The following COL19A1 variants were observed in gnomAD, a reference collection of about 807,000 sequenced individuals.
The protein encoded by COL19A1 is collagen alpha-1(XIX) chain.
In COL19A1, 159 loss-of-function variants were observed where a neutral mutation model predicts 190.2. The ratio of observed to expected loss-of-function variants is 0.84; its 90% confidence interval spans 0.73 to 0.95. The LOEUF is 0.95. Among genes scored for constraint, COL19A1 ranks in the 40% least tolerant of loss-of-function variants. The pLI is 0.00. For missense variants in COL19A1, 1,418 were observed against 1,431.9 expected (o/e 0.99, Z 0.16); for synonymous variants, 509 against 458.9 (o/e 1.11, Z -1.39).
At chr6:70,043,059 G>C (rs1779710686) in intron 14 of COL19A1, among the ~76,000 whole-genome samples, 1 of 152,110 alleles carries the variant, frequency 6.6e-6, no homozygotes, top group Non-Finnish European at 1.5e-5. Flanking sequence ...TTAATGTTGA[G>C]ATTTTGACCT....
chr6:70,189,724 C>A lies in COL19A1; in HGVS notation c.3028-591C>A, dbSNP rs1490498033. 3.3e-5 allele frequency among the ~76,000 whole-genome samples: 5 copies of A among 152,260 alleles called. No homozygotes were observed. The East Asian group carries it at 7.7e-4, about 24-fold the overall frequency. On this transcript the variant is annotated intron_variant, in intron 47 of 50. Coordinates refer to ENST00000620364, the MANE Select transcript of COL19A1 (RefSeq NM_001858.6). ...ATTTGCCTGCTTCCTTTTACCAGAT[C>A]CCAATTAAGAAAAGAAAATTACTTA... is the stretch of plus-strand genomic sequence containing the variant.
At chr6:70,062,698 G>C (rs1300961766) in intron 14 of COL19A1, among the ~76,000 whole-genome samples, 2 of 152,078 alleles carry the variant, frequency 1.3e-5, no homozygotes, top group Admixed American at 6.6e-5. Context: ...ATTGGATAAA[G>C]AGTCAAGACC....
At chr6:69,981,815 A>C (rs1776048473) in intron 11 of COL19A1, among the ~76,000 whole-genome samples, 1 of 152,138 alleles carries the variant, frequency 6.6e-6, no homozygotes, top group Admixed American at 6.5e-5. Flanking sequence ...GCCCATGCCA[A>C]GTCTTGCAAA....
chr6:69,975,723 A>G (rs529936303), intron 11 of COL19A1, among the ~76,000 whole-genome samples: 3 of 152,294 alleles, frequency 2.0e-5, no homozygotes, highest in Admixed American at 6.5e-5. Context: ...AATTTTGTAG[A>G]TATGAATTCT....
At chr6:70,180,910 T>C (rs956806789) in intron 44 of COL19A1, among the ~76,000 whole-genome samples, 1 of 152,246 alleles carries the variant, frequency 6.6e-6, no homozygotes, top group Admixed American at 6.5e-5. Flanking sequence ...AGTTATTTTC[T>C]CAAATTTCCT....
chr6:70,185,431 A>T (rs546770877), intron 46 of COL19A1, among the ~76,000 whole-genome samples: 1 of 152,222 alleles, frequency 6.6e-6, no homozygotes, highest in Non-Finnish European at 1.5e-5. Context: ...AATCACTGCA[A>T]TTGAGAACTA....
intron 34 of COL19A1, 47 bp from the exon 35 acceptor site, chr6:70,161,852 TC>T: frequency 6.6e-7 from 1 of 1,506,524 alleles, no homozygotes; most frequent in Non-Finnish European, 9.0e-7. Flanking sequence ...TAAAATGCCT[TC>T]TTCCCAATGA....
intron 4 of COL19A1, among the ~76,000 whole-genome samples, chr6:69,915,295 T>G (rs1208603986): frequency 1.3e-5 from 2 of 152,230 alleles, no homozygotes; most frequent in African/African-American, 4.8e-5. Context: ...TACTGTCTGC[T>G]TCTATCTCCC....
chr6:70,066,463 G>T (rs943054753), intron 14 of COL19A1, among the ~76,000 whole-genome samples: 1 of 151,976 alleles, frequency 6.6e-6, no homozygotes, highest in Non-Finnish European at 1.5e-5. Flanking sequence ...TGGGGGGAGT[G>T]GGGAGGGATA....
intron 17 of COL19A1, among the ~76,000 whole-genome samples, chr6:70,126,558 C>T (rs1183289266): frequency 6.6e-6 from 1 of 152,194 alleles, no homozygotes; most frequent in Non-Finnish European, 1.5e-5. Context: ...ACACTTGCGG[C>T]TGGTGAAATG....
chr6:70,179,018 C>G (rs1305714055), intron 42 of COL19A1, among the ~76,000 whole-genome samples: 3 of 152,012 alleles, frequency 2.0e-5, no homozygotes, highest in Non-Finnish European at 1.5e-5. Context: ...TCTCAAGGCC[C>G]GAGCCCTCTA....
chr6:70,176,494 G>A (rs1444284078), intron 41 of COL19A1, 26 bp from the exon 42 acceptor site: 1 of 1,610,262 alleles, frequency 6.2e-7, no homozygotes. Context: ...TGTCATTAAA[G>A]TAGCAATGTT....
chr6:69,978,158 A>AG (rs1360565312), intron 11 of COL19A1, among the ~76,000 whole-genome samples: 1 of 152,170 alleles, frequency 6.6e-6, no homozygotes. Flanking sequence ...GTATAATTTG[A>AG]GCTGGCACCT....
At chr6:69,980,780 G>A (rs958015048) in intron 11 of COL19A1, among the ~76,000 whole-genome samples, 6 of 152,182 alleles carry the variant, frequency 3.9e-5, no homozygotes, top group Non-Finnish European at 8.8e-5. Context: ...AGATTCACTG[G>A]TAGTCAGTGA....
intron 46 of COL19A1, 73 bp from the exon 47 acceptor site, chr6:70,188,002 T>C: frequency 6.4e-7 from 1 of 1,557,758 alleles, no homozygotes; most frequent in Admixed American, 1.9e-5. Context: ...CCAGTATGAA[T>C]CCAGAACTTT....
chr6:69,915,030 G>A (rs1771197711), intron 4 of COL19A1, among the ~76,000 whole-genome samples: 1 of 151,926 alleles, frequency 6.6e-6, no homozygotes, highest in Non-Finnish European at 1.5e-5. Context: ...ATCCTTTCTT[G>A]TTCTGTAGCT....
At chr6:70,060,507 C>T (rs951109375) in intron 14 of COL19A1, among the ~76,000 whole-genome samples, 2 of 152,132 alleles carry the variant, frequency 1.3e-5, no homozygotes, top group Non-Finnish European at 2.9e-5. Context: ...CTCCCCATTG[C>T]TCACGTTACT....
At chr6:69,885,810 CT>C (rs1200356030) in intron 2 of COL19A1, among the ~76,000 whole-genome samples, 3 of 151,962 alleles carry the variant, frequency 2.0e-5, no homozygotes, top group Admixed American at 6.6e-5. Flanking sequence ...GAAGGATTTT[CT>C]TTTTTTAAGG....
intron 41 of COL19A1, among the ~76,000 whole-genome samples, chr6:70,172,517 A>G (rs1205478510): frequency 6.6e-6 from 1 of 152,144 alleles, no homozygotes. Context: ...ATAGAGCAGT[A>G]CTACTCAATG....
Sources: gnomAD v4.1 joint callset for allele counts (sites outside exome capture counted in the v4.1 genomes callset) on GRCh38, gnomAD v4.1.1 for gene constraint, MANE v1.5 for transcripts, NCBI Gene and HGNC (gene_info 2026-07-23, HGNC 2026-07-21) for gene names.